Variants in CERT1 observed in about 807,000 individuals in gnomAD.
CERT1 encodes the protein ceramide transfer protein.
In CERT1, 31 loss-of-function variants were observed where a neutral mutation model predicts 87.9. The observed-to-expected ratio is 0.35, with a 90% CI of 0.27 to 0.48. The LOEUF (loss-of-function observed/expected upper bound fraction) is 0.48. Ranked by LOEUF, CERT1 falls within the 20% of genes least tolerant of loss-of-function variation. The pLI is 0.99. For missense variants in CERT1, 487 were observed against 758.0 expected (o/e 0.64, Z 4.20); for synonymous variants, 289 against 250.9 (o/e 1.15, Z -1.44).
intron 7 of CERT1, among the ~76,000 whole-genome samples, chr5:75,415,628 C>T (rs1336105408): frequency 2.0e-5 from 3 of 151,884 alleles, no homozygotes; most frequent in Non-Finnish European, 4.4e-5. Flanking sequence ...GAATATGATC[C>T]CTTAGTGAAG....
intron 2 of CERT1, among the ~76,000 whole-genome samples, chr5:75,482,563 G>C (rs1001003034): frequency 1.3e-5 from 2 of 152,194 alleles, no homozygotes; most frequent in African/African-American, 4.8e-5. Flanking sequence ...AGTAGTCACT[G>C]TGGGCCTTGG....
At chr5:75,483,346 A>G (rs547958991) in intron 2 of CERT1, among the ~76,000 whole-genome samples, 1 of 152,330 alleles carries the variant, frequency 6.6e-6, no homozygotes, top group African/African-American at 2.4e-5. Context: ...GAGGAGATAA[A>G]AAAAGAATAA....
At chr5:75,415,417 C>A (rs1763097178) in intron 7 of CERT1, among the ~76,000 whole-genome samples, 1 of 152,114 alleles carries the variant, frequency 6.6e-6, no homozygotes, top group South Asian at 2.1e-4. Flanking sequence ...TCCCGCAGAT[C>A]TTTGGTTTGC....
chr5:75,501,675 A>G (rs1279971464), intron 2 of CERT1, among the ~76,000 whole-genome samples: 3 of 152,236 alleles, frequency 2.0e-5, no homozygotes, highest in African/African-American at 4.8e-5. Flanking sequence ...AAGAGAGTCC[A>G]GAAACAACCT....
chr5:75,511,749 C>G, upstream of CERT1: 12 of 1,551,008 alleles, frequency 7.7e-6, no homozygotes, highest in Non-Finnish European at 8.7e-6. Context: ...ATCCTCCTCC[C>G]GAACCCTACC....
chr5:75,510,262 C>A (rs1333236995), intron 1 of CERT1, among the ~76,000 whole-genome samples: 2 of 151,970 alleles, frequency 1.3e-5, no homozygotes, highest in Non-Finnish European at 2.9e-5. Context: ...GTCAAAAAGG[C>A]TACGTGAATC....
intron 2 of CERT1, among the ~76,000 whole-genome samples, chr5:75,467,641 C>CAAAAA (rs1458470572): frequency 5.4e-4 from 27 of 49,968 alleles, no homozygotes; most frequent in African/African-American, 1.6e-3. Flanking sequence ...ACTCTGTCTC[C>CAAAAA]AAAAAAAAGA....
chr5:75,489,958 A>G (rs1339737026), intron 2 of CERT1, among the ~76,000 whole-genome samples: 3 of 152,222 alleles, frequency 2.0e-5, no homozygotes, highest in Non-Finnish European at 4.4e-5. Context: ...ATTGCCCATC[A>G]ATGTTAGACT....
intron 2 of CERT1, among the ~76,000 whole-genome samples, chr5:75,503,717 G>A (rs1189662780): frequency 6.6e-6 from 1 of 151,594 alleles, no homozygotes; most frequent in African/African-American, 2.4e-5. Flanking sequence ...TCCTACGCAT[G>A]TCTTTTACTA....
chr5:75,449,719 A>G (rs556406762), intron 3 of CERT1, among the ~76,000 whole-genome samples: 21 of 150,830 alleles, frequency 1.4e-4, no homozygotes, highest in South Asian at 4.2e-4. Flanking sequence ...TTTTTTTTTT[A>G]AAGCCATTCT....
intron 2 of CERT1, among the ~76,000 whole-genome samples, chr5:75,497,564 T>A (rs1388018472): frequency 6.6e-6 from 1 of 152,008 alleles, no homozygotes; most frequent in Non-Finnish European, 1.5e-5. Context: ...AAGGACCTGG[T>A]GGGAGGTAAT....
intron 3 of CERT1, among the ~76,000 whole-genome samples, chr5:75,452,044 C>T (rs1561273056): frequency 6.6e-6 from 1 of 152,134 alleles, no homozygotes; most frequent in Non-Finnish European, 1.5e-5. Flanking sequence ...GTGTTTTCCA[C>T]ATAATTTCCT....
At chr5:75,511,799 G>A (rs1334718445), upstream of CERT1, 2 of 1,551,548 alleles carry the variant, frequency 1.3e-6, no homozygotes. Context: ...AAAGCAGGAG[G>A]AGCGGAGAAA....
intron 11 of CERT1, among the ~76,000 whole-genome samples, chr5:75,397,946 G>A (rs1762322613): frequency 6.6e-6 from 1 of 152,294 alleles, no homozygotes; most frequent in South Asian, 2.1e-4. Context: ...TTGAACCTGG[G>A]AGATGGAGGT....
At chr5:75,501,327 C>G (rs1244440539) in intron 2 of CERT1, among the ~76,000 whole-genome samples, 1 of 152,078 alleles carries the variant, frequency 6.6e-6, no homozygotes, top group Non-Finnish European at 1.5e-5. Flanking sequence ...AGTTTTCCTT[C>G]CAAAAATATT....
At chr5:75,427,843 CAA>C (rs1485859727) in intron 3 of CERT1, among the ~76,000 whole-genome samples, 1 of 151,750 alleles carries the variant, frequency 6.6e-6, no homozygotes. Flanking sequence ...ACAGTGAAAA[CAA>C]AGGAACAAAA....
At chr5:75,480,555 C>T (rs749130705) in intron 2 of CERT1, among the ~76,000 whole-genome samples, 15 of 152,246 alleles carry the variant, frequency 9.9e-5, no homozygotes, top group Non-Finnish European at 1.9e-4. Flanking sequence ...TATACGCATA[C>T]GTGTGCATGC....
intron 15 of CERT1, 88 bp downstream of exon 15, chr5:75,381,861 T>A (rs1761599530): frequency 1.7e-6 from 2 of 1,165,842 alleles, no homozygotes; most frequent in Non-Finnish European, 1.2e-6. Flanking sequence ...TCAAGTATAG[T>A]GTATGGGCTG....
At chr5:75,405,877 G>T (rs941786384) in intron 8 of CERT1, among the ~76,000 whole-genome samples, 6 of 150,240 alleles carry the variant, frequency 4.0e-5, no homozygotes, top group Admixed American at 4.0e-4. Context: ...GTTACTGGGG[G>T]GGGGGGGGGT....
Sources: allele counts gnomAD v4.1 joint callset (sites outside exome capture counted in the v4.1 genomes callset), GRCh38; gene constraint gnomAD v4.1.1; transcripts MANE v1.5; gene names NCBI Gene and HGNC (gene_info 2026-07-23, HGNC 2026-07-21).